Variants in RB1CC1 observed in about 807,000 individuals in gnomAD.
The protein encoded by RB1CC1 is RB1 inducible coiled-coil 1.
A neutral mutation model predicts 177.5 loss-of-function variants in RB1CC1; 46 were observed. That is an observed-to-expected ratio of 0.26 (90% CI 0.20 to 0.33). The LOEUF (loss-of-function observed/expected upper bound fraction) is 0.33, where lower values mean the gene tolerates loss of function less well. Among genes scored for constraint, RB1CC1 ranks in the 10% least tolerant of loss-of-function variants. The probability of loss-of-function intolerance (pLI) is 1.00; values close to 1 mark genes in which losing one functional copy is unlikely to be tolerated. For missense variants in RB1CC1, 1,703 were observed against 1,816.3 expected (o/e 0.94, Z 1.13); for synonymous variants, 666 against 613.6 (o/e 1.09, Z -1.26).
Position 52,668,062 on chromosome 8 carries a change from T to C in RB1CC1, c.1132A>G (p.Ser378Gly), listed in dbSNP as rs1222213447. Residue 378 changes from serine to glycine, a missense_variant, in exon 8 of 24, where the codon AGC becomes GGC. Physicochemically the swap from Ser to Gly is moderately conservative, Grantham distance 56 (BLOSUM62 0). Transcript: ENST00000025008. ...TGTTCATTCACCAGTCGGCCACAGC[T>C]AGCAATCATCTGGTCCAGGGCGTAG... ...RLYALDQMIA[S>G]CGRLVNEQKE... 1.9e-6 allele frequency: 3 copies of C among 1,614,154 alleles called. No individual in the cohort carries two copies. The highest frequency in any genetic ancestry group is 1.7e-6 in the Non-Finnish European group (2 of 1,179,994).
At position 52,687,058 on chromosome 8, in the gene RB1CC1, G is replaced by A. The variant is rs552467145; in HGVS notation, c.-166-91C>T. ...TTCCTTTCTTCCTTTTAAAACTACC[G>A]TCTAAGAATAATCTCTACTCAGGCC... On this transcript the variant is annotated intron_variant, in intron 1 of 23. Coordinates refer to ENST00000025008, the MANE Select transcript of RB1CC1 (RefSeq NM_014781.5). 222 of 424,450 alleles carry A rather than the reference G, an allele frequency of 5.2e-4. 2 individuals are homozygous for A. The highest frequency in any genetic ancestry group is 1.4e-3 in the African/African-American group (67 of 48,428). 26.3% of individuals were successfully genotyped at this position (424,450 alleles called of 1,614,324 possible).
At position 52,629,795 on chromosome 8, in the gene RB1CC1, T is replaced by A. The variant is rs192764378; in HGVS notation, c.4499+675A>T. On this transcript the variant is annotated intron_variant, in intron 21 of 23. Transcript: ENST00000025008. ...CAACCAACTGCCAATCAGAAAACTTTAAAAATCTACCTATACTTTGGAAGC... is the reference window on the plus strand; with the variant it reads ...CAACCAACTGCCAATCAGAAAACTTAAAAAATCTACCTATACTTTGGAAGC... 1.6e-3 allele frequency among the ~76,000 whole-genome samples: 242 copies of A among 152,310 alleles called. 4 individuals are homozygous for A. Among genetic ancestry groups the A allele is most frequent in the Non-Finnish European group, 2.0e-3 (139 of 68,024 alleles).
chr8:52,629,572 T>C (rs1457597478), intron 21 of RB1CC1, among the ~76,000 whole-genome samples: 3 of 152,178 alleles, frequency 2.0e-5, no homozygotes, highest in African/African-American at 7.2e-5. Context: ...ACTTGCCTCA[T>C]CATGTCCTCT....
At chr8:52,642,667 T>A (rs897285163) in intron 17 of RB1CC1, 37 bp downstream of exon 17, 5 of 1,570,740 alleles carry the variant, frequency 3.2e-6, no homozygotes, top group South Asian at 2.4e-5. Context: ...TTTTCCACTT[T>A]AAAAAATTAA....
chr8:52,698,527 G>A (rs1050318668), intron 1 of RB1CC1, among the ~76,000 whole-genome samples: 26 of 151,660 alleles, frequency 1.7e-4, no homozygotes, highest in East Asian at 7.8e-4. Context: ...GTTAGCCAGG[G>A]TGGTCTTGAT....
chr8:52,656,978 G>T lies in RB1CC1; in HGVS notation c.2851C>A (p.Leu951Met). Residue 951 changes from leucine (L) to methionine (M), a missense_variant, in exon 15 of 24, where the codon CTG (leucine) becomes ATG (methionine). Coordinates refer to ENST00000025008, the MANE Select transcript of RB1CC1 (RefSeq NM_014781.5). ...MHSQNCEIKE[L>M]KQSREIVLED... ...AACACTATTTCTCGTGACTGCTTCA[G>T]TTCTTTAATTTCACAATTTTGAGAG... The T allele has an allele frequency of 6.2e-7, 1 of 1,613,676 alleles. No homozygotes were observed. Among genetic ancestry groups the T allele is most frequent in the Non-Finnish European group, 8.5e-7 (1 of 1,179,948 alleles).
chr8:52,669,144 C>G (rs1374733828), intron 7 of RB1CC1, among the ~76,000 whole-genome samples: 1 of 152,176 alleles, frequency 6.6e-6, no homozygotes, highest in Non-Finnish European at 1.5e-5. Flanking sequence ...AACCATGAAA[C>G]CTTCTATTAT....
intron 15 of RB1CC1, among the ~76,000 whole-genome samples, chr8:52,655,630 A>G (rs1851023021): frequency 6.6e-6 from 1 of 152,070 alleles, no homozygotes; most frequent in East Asian, 1.9e-4. Context: ...TTTAGTCTTT[A>G]ATATATATAC....
rs182927959 is a variant in RB1CC1, at chr8:52,709,665, G to A, written c.-167+4410C>T. On this transcript the variant is annotated intron_variant, in intron 1 of 23. Coordinates refer to ENST00000025008, the MANE Select transcript of RB1CC1 (RefSeq NM_014781.5). ...AAGTGGGAGGATCATCTGAGCCCAC[G>A]AGGCAGTGGTTGTAGTGAGCCTAGA... is the stretch of plus-strand genomic sequence containing the variant. Among the ~76,000 whole-genome samples, 20 of 152,316 alleles carry A rather than the reference G, an allele frequency of 1.3e-4. No individual in the cohort carries two copies. In the East Asian group the frequency reaches 1.9e-3, roughly 15 times the overall value.
At chr8:52,625,278 T>C (rs1848304847) in intron 22 of RB1CC1, among the ~76,000 whole-genome samples, 1 of 152,142 alleles carries the variant, frequency 6.6e-6, no homozygotes, top group African/African-American at 2.4e-5. Flanking sequence ...CCACAGTGCT[T>C]GGCACAGCAG....
intron 15 of RB1CC1, among the ~76,000 whole-genome samples, chr8:52,654,315 A>G (rs1346985804): frequency 6.6e-6 from 1 of 152,208 alleles, no homozygotes; most frequent in Non-Finnish European, 1.5e-5. Flanking sequence ...CAGAGATCCA[A>G]CATTTCCCAA....
In RB1CC1 at chr8:52,685,370, G is replaced by C. The variant is rs764369011; in HGVS notation, c.71+29C>G. 5 of 1,453,446 alleles carry C rather than the reference G, an allele frequency of 3.4e-6. No homozygotes were observed. The East Asian group carries it at 1.2e-4, about 34-fold the overall frequency. 90.0% of individuals were successfully genotyped at this position (1,453,446 alleles called of 1,614,324 possible). On this transcript the variant is annotated intron_variant, in intron 3 of 23. Transcript: ENST00000025008. ...AACTTTCTGCATGCAGACAGAATGC[G>C]AAAAAAAAATAAATGAAATACAACT...
chr8:52,657,004 T>G lies in RB1CC1; in HGVS notation c.2825A>C (p.His942Pro). ...TTCTTTAATTTCACAATTTTGAGAG[T>G]GCATTATATTTTCCATCTCTAACAA... is the stretch of plus-strand genomic sequence containing the variant. ...QKLLEMENIM[H>P]SQNCEIKELK... Residue 942 changes from histidine to proline, a missense_variant, in exon 15 of 24, where the codon CAC becomes CCC. By Grantham distance (77) the His-to-Pro change is moderately conservative. Transcript: ENST00000025008. 6.2e-7 allele frequency: 1 copy of G among 1,613,668 alleles called. No individual in the cohort carries two copies. The highest frequency in any genetic ancestry group is 8.5e-7 in the Non-Finnish European group (1 of 1,179,918).
chr8:52,656,795 C>T lies in RB1CC1; in HGVS notation c.3034G>A (p.Val1012Ile), dbSNP rs755411823. 3.3e-5 allele frequency: 54 copies of T among 1,613,730 alleles called. No homozygotes were observed. In the East Asian group the frequency reaches 1.2e-3, roughly 35 times the overall value. ...TCCTTTTTTAATTCCTCCAAAGAAA[C>T]TCTGTGGTCTGTCATAACCTTCTCA... ...EFEKVMTDHR[V>I]SLEELKKENQ... The change falls in exon 15 of 24, where the codon GTT becomes ATT. Residue 1012 changes from valine to isoleucine, a missense_variant. This residue lies in a region of RB1CC1 where 1,169 missense variants were observed against 1,184.7 expected (regional missense o/e 0.99). Coordinates refer to ENST00000025008, the MANE Select transcript of RB1CC1 (RefSeq NM_014781.5).
At position 52,623,646 on chromosome 8, in the gene RB1CC1, C is replaced by T. The variant is rs779202328; in HGVS notation, c.*136G>A. The T allele has an allele frequency of 2.3e-5, 16 of 688,950 alleles. 1 individual carries two copies. Among genetic ancestry groups the T allele is most frequent in the East Asian group, 1.4e-4 (5 of 35,760 alleles). The allele number at this position is 688,950 out of a possible 1,614,324, so 42.7% of individuals were successfully genotyped here. A position where few individuals can be genotyped will look rare whatever the true frequency, so the allele number is the denominator to read the frequency against. On this transcript the variant is annotated 3_prime_UTR_variant, in exon 24 of 24. Transcript: ENST00000025008. ...AAAATGAAGCCAGTTAAAAAGTAAACGATGTACACCAGTGAAGTATATTGT... is the reference window on the plus strand; with the variant it reads ...AAAATGAAGCCAGTTAAAAAGTAAATGATGTACACCAGTGAAGTATATTGT...
chr8:52,700,486 G>C (rs1298318942), intron 1 of RB1CC1, among the ~76,000 whole-genome samples: 4 of 152,110 alleles, frequency 2.6e-5, no homozygotes, highest in African/African-American at 9.7e-5. Context: ...AGCAAGCAGA[G>C]ACTGTGCCAC....
chr8:52,666,628 T>G (rs1852093942), intron 8 of RB1CC1, among the ~76,000 whole-genome samples: 1 of 152,028 alleles, frequency 6.6e-6, no homozygotes, highest in African/African-American at 2.4e-5. Flanking sequence ...ATGTGCTTAA[T>G]GTGATCAAAG....
intron 18 of RB1CC1, 57 bp downstream of exon 18, chr8:52,642,294 T>C: frequency 2.5e-6 from 4 of 1,570,288 alleles, no homozygotes; most frequent in Non-Finnish European, 2.6e-6. Flanking sequence ...TCTTCAGAGC[T>C]TTATAACTCA....
chr8:52,679,426 T>C (rs1226075390), intron 5 of RB1CC1, among the ~76,000 whole-genome samples: 3 of 152,218 alleles, frequency 2.0e-5, no homozygotes, highest in Non-Finnish European at 4.4e-5. Flanking sequence ...GTTTATTGTT[T>C]ATGTAAAAAT....
Sources: allele counts gnomAD v4.1 joint callset (sites outside exome capture counted in the v4.1 genomes callset), GRCh38; gene constraint gnomAD v4.1.1; regional missense constraint gnomAD v4.1.1; transcripts MANE v1.5; gene names NCBI Gene and HGNC (gene_info 2026-07-23, HGNC 2026-07-21).